The following EEFSEC variants were observed in gnomAD, a reference collection of about 807,000 sequenced individuals.
The protein encoded by EEFSEC is selenocysteine-specific elongation factor.
In EEFSEC, 43 loss-of-function variants were observed where a neutral mutation model predicts 42.1. The ratio of observed to expected loss-of-function variants is 1.02; its 90% CI spans 0.80 to 1.32. The LOEUF (loss-of-function observed/expected upper bound fraction) is 1.32. Ranked by LOEUF, EEFSEC falls within the 40% of genes most tolerant of loss-of-function variation. EEFSEC has a pLI of 0.00. For missense variants in EEFSEC, 745 were observed against 803.6 expected, an observed-to-expected ratio of 0.93 and a Z score of 0.88; for synonymous variants, 354 against 339.1, an observed-to-expected ratio of 1.04 and a Z score of -0.48.
intron 4 of EEFSEC, chr3:128,336,820 AT>A (rs59720273): frequency 0.17 from 26,479 of 152,130 alleles, 3,042 homozygotes; most frequent in African/African-American, 0.33. Context: ...TCTAATTAAC[AT>A]CTTTCTTCTC....
intron 1 of EEFSEC, among the ~76,000 whole-genome samples, chr3:128,197,873 G>T (rs1359394510): frequency 2.0e-5 from 3 of 152,150 alleles, no homozygotes; most frequent in Non-Finnish European, 4.4e-5. Flanking sequence ...AGCCAGTCCT[G>T]CCTGCATAGA....
At chr3:128,251,592 T>C (rs1377865784) in intron 2 of EEFSEC, among the ~76,000 whole-genome samples, 1 of 152,258 alleles carries the variant, frequency 6.6e-6, no homozygotes, top group South Asian at 2.1e-4. Flanking sequence ...GTTGTGCTTT[T>C]GTATGTGTGA....
rs776186771 is a variant in EEFSEC, at chr3:128,341,360, C to T, written c.914C>T (p.Ala305Val). ...PKLLERGLVCAPESLHTVHAA... is the reference protein window; with the variant it reads ...PKLLERGLVCVPESLHTVHAA... Reference sequence around the variant, plus strand: ...CTGCTGGAGCGCGGGTTGGTGTGTGCCCCCGAGTCCCTGCACACTGTCCAT... The same window carrying T: ...CTGCTGGAGCGCGGGTTGGTGTGTGTCCCCGAGTCCCTGCACACTGTCCAT... Residue 305 changes from alanine (A) to valine (V), a missense_variant, in exon 5 of 7, where the codon GCC becomes GTC. Physicochemically the swap from Ala to Val is moderately conservative, Grantham distance 64. Transcript: ENST00000254730. 6.2e-7 allele frequency: 1 copy of T among 1,614,142 alleles called. No individual in the cohort carries two copies. Among genetic ancestry groups the T allele is most frequent in the East Asian group, 2.2e-5 (1 of 44,878 alleles).
chr3:128,168,163 G>A (rs1055850323), intron 1 of EEFSEC, among the ~76,000 whole-genome samples: 12 of 152,214 alleles, frequency 7.9e-5, no homozygotes, highest in Admixed American at 3.3e-4. Context: ...GGAAATGAGC[G>A]TAATGCAAGC....
chr3:128,425,250 A>G, the EEFSEC span, among the ~76,000 whole-genome samples: 1 of 152,128 alleles, frequency 6.6e-6, no homozygotes, highest in Non-Finnish European at 1.5e-5. Flanking sequence ...CACTTTCTAG[A>G]ATGTCACATG....
At chr3:128,235,392 A>G (rs1297855751) in intron 1 of EEFSEC, among the ~76,000 whole-genome samples, 1 of 152,194 alleles carries the variant, frequency 6.6e-6, no homozygotes, top group African/African-American at 2.4e-5. Flanking sequence ...TTAAAAATAA[A>G]TTGCTCTTGA....
chr3:128,326,871 CTCA>C lies in EEFSEC; in HGVS notation c.787-14359_787-14357del, dbSNP rs200571719. Among the ~76,000 whole-genome samples, 691 of 152,328 alleles carry C rather than the reference CTCA, an allele frequency of 4.5e-3. 4 individuals are homozygous for C. The highest frequency in any genetic ancestry group is 0.015 in the African/African-American group (606 of 41,574). ...GTTGCATCACATCCCATCCTGGCCT[CTCA>C]TCTAGAGGAGATCCTGTTAATTCTT... On this transcript the variant is annotated intron_variant, in intron 4 of 6. Transcript: ENST00000254730.
At chr3:128,196,022 CG>C (rs1559863738) in intron 1 of EEFSEC, among the ~76,000 whole-genome samples, 1 of 152,256 alleles carries the variant, frequency 6.6e-6, no homozygotes, top group East Asian at 1.9e-4. Flanking sequence ...GCCTGCAAAA[CG>C]GGGCCCTTGT....
At chr3:128,160,608 C>T (rs1277380743) in intron 1 of EEFSEC, among the ~76,000 whole-genome samples, 1 of 152,182 alleles carries the variant, frequency 6.6e-6, no homozygotes, top group Non-Finnish European at 1.5e-5. Flanking sequence ...GCTGCACCTG[C>T]ACCTGGCATC....
At chr3:128,153,847 C>T (rs888321693) in intron 1 of EEFSEC, 24 bp downstream of exon 1, 3 of 1,487,330 alleles carry the variant, frequency 2.0e-6, no homozygotes, top group Non-Finnish European at 1.8e-6. Context: ...GGGGCGGGAG[C>T]CGGGCTCAGG....
intron 1 of EEFSEC, among the ~76,000 whole-genome samples, chr3:128,226,738 G>T (rs1389484153): frequency 1.3e-5 from 2 of 152,214 alleles, no homozygotes; most frequent in Admixed American, 6.5e-5. Flanking sequence ...CGAGGGCAGG[G>T]ACTGGGTTGG....
intron 1 of EEFSEC, among the ~76,000 whole-genome samples, chr3:128,224,589 C>T (rs79346701): frequency 1.3e-5 from 2 of 152,268 alleles, no homozygotes; most frequent in African/African-American, 4.8e-5. Context: ...AAGATTTCAC[C>T]GTGCTTGTTT....
chr3:128,218,704 G>A (rs2065834336), intron 1 of EEFSEC, among the ~76,000 whole-genome samples: 1 of 152,198 alleles, frequency 6.6e-6, no homozygotes, highest in African/African-American at 2.4e-5. Flanking sequence ...TCCTGGAGCT[G>A]ACGGGCTAGT....
At chr3:128,311,541 G>A (rs2066890020) in intron 4 of EEFSEC, among the ~76,000 whole-genome samples, 2 of 152,238 alleles carry the variant, frequency 1.3e-5, no homozygotes, top group Admixed American at 1.3e-4. Context: ...GTGTGTGGCT[G>A]GCAGCCTGTC....
chr3:128,153,702 GTCGTCTTT>G lies in EEFSEC; in HGVS notation c.196_203del (p.Ser66AlafsTer43). ...CGGTGCCGCTGCCCGCGCGCCTGCGGTCGTCTTTGCCCGAGTTCCAGGCAGCGCCCGAG... is the reference window on the plus strand; with the variant it reads ...CGGTGCCGCTGCCCGCGCGCCTGCGGGCCCGAGTTCCAGGCAGCGCCCGAG... On this transcript the variant is annotated frameshift_variant, in exon 1 of 7. Transcript: ENST00000254730. LOFTEE classifies it high-confidence loss of function. The G allele has an allele frequency of 6.3e-7, 1 of 1,588,558 alleles. No individual in the cohort carries two copies. The highest frequency in any genetic ancestry group is 8.5e-7 in the Non-Finnish European group (1 of 1,175,478).
chr3:128,297,733 T>TTAGA (rs1231523375), intron 4 of EEFSEC, among the ~76,000 whole-genome samples: 1 of 149,370 alleles, frequency 6.7e-6, no homozygotes, highest in Non-Finnish European at 1.5e-5. Flanking sequence ...ATGCTAAAAA[T>TTAGA]TAGATATTTT....
rs189883387 is a variant in EEFSEC at position 128,292,064 on chromosome 3, G to A, written c.786+27283G>A. On this transcript the variant is annotated intron_variant, in intron 4 of 6. Transcript: ENST00000254730. ...TTATATAGTTTTTCTCCTTTATTCT[G>A]TTAATTAAGTTACACTTATTGCTAA... 2.0e-5 allele frequency among the ~76,000 whole-genome samples: 3 copies of A among 152,090 alleles called. No homozygotes were observed. In the East Asian group the frequency reaches 5.8e-4, roughly 29 times the overall value.
chr3:128,270,794 C>T (rs1046446816), intron 4 of EEFSEC, among the ~76,000 whole-genome samples: 2 of 152,196 alleles, frequency 1.3e-5, no homozygotes, highest in Non-Finnish European at 2.9e-5. Flanking sequence ...CGGGCTTTCC[C>T]CTACCTGCAG....
intron 4 of EEFSEC, among the ~76,000 whole-genome samples, chr3:128,274,294 A>G (rs1406369916): frequency 1.3e-5 from 2 of 152,218 alleles, no homozygotes; most frequent in Admixed American, 6.5e-5. Flanking sequence ...GGGGTTGACC[A>G]TGCTGCCTTC....
Sources: allele counts gnomAD v4.1 joint callset (sites outside exome capture counted in the v4.1 genomes callset), GRCh38; gene constraint gnomAD v4.1.1; transcripts MANE v1.5; gene names NCBI Gene and HGNC (gene_info 2026-07-23, HGNC 2026-07-21).